MRRF: variants seen among roughly 807,000 people sequenced by gnomAD.
The protein encoded by MRRF is ribosome-recycling factor, mitochondrial.
A neutral mutation model predicts 25.1 loss-of-function variants in MRRF; 18 were observed. The ratio of observed to expected loss-of-function variants is 0.72; its 90% confidence interval spans 0.50 to 1.06. MRRF has a LOEUF of 1.06. Ranked by LOEUF, MRRF falls within the 50% of genes least tolerant of loss-of-function variation. The pLI is 0.00. For synonymous variants in MRRF, 113 were observed against 112.1 expected, an observed-to-expected ratio of 1.01 and a Z score of -0.05; for missense variants, 323 against 319.3, an observed-to-expected ratio of 1.01 and a Z score of -0.09.
Position 122,322,583 on chromosome 9 carries a change from A to G in MRRF, c.755A>G (p.His252Arg). The G allele has an allele frequency of 1.2e-6, 2 of 1,614,216 alleles. No individual in the cohort carries two copies. Among genetic ancestry groups the G allele is most frequent in the East Asian group, 2.2e-5 (1 of 44,880 alleles). The change falls in exon 7 of 7, where the codon CAT (histidine) becomes CGT (arginine). Residue 252 changes from histidine to arginine, a missense_variant. Physicochemically the swap from His to Arg is conservative, Grantham distance 29. Transcript: ENST00000344641. ...GACACAGTGGCAGAACTGGACAGGC[A>G]TCTGGCAGTGAAGACCAAAGAACTC... ...ADDTVAELDR[H>R]LAVKTKELLG is the part of the protein sequence containing the mutation.
At chr9:122,278,033 A>C (rs945077336) in intron 2 of MRRF, among the ~76,000 whole-genome samples, 1 of 152,002 alleles carries the variant, frequency 6.6e-6, no homozygotes, top group East Asian at 1.9e-4. Context: ...AGCTTTTATC[A>C]TTTTTATGTG....
chr9:122,285,290 A>G lies in MRRF; in HGVS notation c.459+3A>G, dbSNP rs772207056. ...TGAATATGGCCAGCTTCCCAGAGGT[A>G]AGATGGCCTTGCTAAAATCTCTCTC... On this transcript the variant is annotated splice_donor_region_variant and intron_variant, in intron 4 of 6. Coordinates refer to ENST00000344641, the MANE Select transcript of MRRF (RefSeq NM_138777.5). The G allele has an allele frequency of 6.4e-7, 1 of 1,566,390 alleles. No homozygotes were observed. Among genetic ancestry groups the G allele is most frequent in the African/African-American group, 1.4e-5 (1 of 74,070 alleles).
At chr9:122,279,757 G>A (rs1049016274) in intron 2 of MRRF, among the ~76,000 whole-genome samples, 1 of 152,126 alleles carries the variant, frequency 6.6e-6, no homozygotes, top group Non-Finnish European at 1.5e-5. Flanking sequence ...AGTGTTTAAT[G>A]TCTGTAAACT....
At chr9:122,284,964 ATG>A (rs1833294370) in intron 3 of MRRF, among the ~76,000 whole-genome samples, 1 of 152,118 alleles carries the variant, frequency 6.6e-6, no homozygotes, top group Non-Finnish European at 1.5e-5. Context: ...TTAAAAAAAA[ATG>A]TTTTTGTAGA....
chr9:122,278,384 C>A (rs945016304), intron 2 of MRRF, among the ~76,000 whole-genome samples: 2 of 152,156 alleles, frequency 1.3e-5, no homozygotes, highest in Non-Finnish European at 2.9e-5. Flanking sequence ...ACCCTTGACC[C>A]TTTGCAGATA....
intron 3 of MRRF, among the ~76,000 whole-genome samples, chr9:122,282,702 G>A (rs1833153202): frequency 6.6e-6 from 1 of 152,318 alleles, no homozygotes; most frequent in South Asian, 2.1e-4. Context: ...TTATCATGAT[G>A]TCTTGCTTAT....
At chr9:122,298,629 TC>T (rs1834238465) in intron 5 of MRRF, among the ~76,000 whole-genome samples, 1 of 152,352 alleles carries the variant, frequency 6.6e-6, no homozygotes, top group Middle Eastern at 3.4e-3. Flanking sequence ...ATGTAAAACT[TC>T]TAGGACATTC....
rs71847269 is a variant in MRRF, at chr9:122,317,067, AATATATAT to A, written c.711+3695_711+3702del. ...ACTTCTTTGTTATAAGGTTGCAGTG[AATATATAT>A]ATATATATATATAAATCTTTGTTGA... On this transcript the variant is annotated intron_variant, in intron 6 of 6. Coordinates refer to ENST00000344641, the MANE Select transcript of MRRF (RefSeq NM_138777.5). Among the ~76,000 whole-genome samples the A allele has an allele frequency of 1.4e-3, 209 of 145,454 alleles. 2 individuals are homozygous for A. Among genetic ancestry groups the A allele is most frequent in the African/African-American group, 5.1e-3 (204 of 40,252 alleles).
At chr9:122,274,212 TG>T in intron 2 of MRRF, among the ~76,000 whole-genome samples, 1 of 152,224 alleles carries the variant, frequency 6.6e-6, no homozygotes, top group Non-Finnish European at 1.5e-5. Context: ...GTTATGTATG[TG>T]GAGAAATCAT....
Position 122,271,024 on chromosome 9 carries a change from A to G in MRRF, c.133A>G (p.Met45Val), listed in dbSNP as rs149753530. 356 of 1,614,222 alleles carry G rather than the reference A, an allele frequency of 2.2e-4. 1 individual carries two copies. The African/African-American group carries it at 4.2e-3, about 19-fold the overall frequency. ...HERQHGHRQY[M>V]AYSAVPVRHF... ...AAGACAACATGGCCATAGGCAATAC[A>G]TGGCCTATTCAGCTGTACCAGTCCG... is the stretch of plus-strand genomic sequence containing the variant. Residue 45 changes from methionine to valine, a missense_variant, in exon 2 of 7, where the codon ATG (methionine) becomes GTG (valine). By Grantham distance (21) the Met-to-Val change is conservative. Transcript: ENST00000344641.
At position 122,323,829 on chromosome 9, in the gene MRRF, G is replaced by A. The variant is rs748232978; in HGVS notation, c.*1212G>A. 2 of 152,202 alleles carry A rather than the reference G, an allele frequency of 1.3e-5. No homozygotes were observed. The allele number at this position is 152,202 out of a possible 1,614,324, so 9.4% of individuals were successfully genotyped here. A position where few individuals can be genotyped will look rare whatever the true frequency, so the allele number is the denominator to read the frequency against. On this transcript the variant is annotated 3_prime_UTR_variant, in exon 7 of 7. Transcript: ENST00000344641. ...CAAAGTAACAAAGCAAAGCTGATCA[G>A]TGGTAGAAGGTTTTCATGATTCATT...
chr9:122,313,423 C>T, intron 6 of MRRF, 37 bp downstream of exon 6: 1 of 1,604,226 alleles, frequency 6.2e-7, no homozygotes, highest in East Asian at 2.2e-5. Flanking sequence ...TCTGTGTATT[C>T]AGCATAAGGA....
At chr9:122,308,159 G>T (rs1834977515) in intron 5 of MRRF, among the ~76,000 whole-genome samples, 1 of 152,076 alleles carries the variant, frequency 6.6e-6, no homozygotes, top group East Asian at 1.9e-4. Flanking sequence ...CCTGCCTTGT[G>T]CTAGAGGCTC....
intron 5 of MRRF, among the ~76,000 whole-genome samples, chr9:122,295,919 T>C (rs996301012): frequency 3.3e-5 from 5 of 152,238 alleles, no homozygotes; most frequent in Non-Finnish European, 5.9e-5. Flanking sequence ...ATCTCACCTA[T>C]TACCTCACCC....
chr9:122,311,255 C>T (rs1462826184), intron 5 of MRRF, among the ~76,000 whole-genome samples: 2 of 152,148 alleles, frequency 1.3e-5, no homozygotes, highest in African/African-American at 4.8e-5. Flanking sequence ...ATTTTAGATA[C>T]CTTTCAGCTC....
chr9:122,288,067 G>C (rs754587146), intron 4 of MRRF, among the ~76,000 whole-genome samples: 6 of 152,100 alleles, frequency 3.9e-5, no homozygotes, highest in Non-Finnish European at 8.8e-5. Context: ...TGATCTTTTT[G>C]AATGCATTGA....
chr9:122,267,144 C>T (rs1011071900), intron 1 of MRRF, among the ~76,000 whole-genome samples: 2 of 151,330 alleles, frequency 1.3e-5, no homozygotes, highest in Non-Finnish European at 2.9e-5. Flanking sequence ...TTTGGGAGGC[C>T]GAGGCGGGCA....
intron 4 of MRRF, 136 bp downstream of exon 4, chr9:122,285,423 G>A: frequency 1.3e-6 from 1 of 763,140 alleles, no homozygotes. Flanking sequence ...TTAAGGATAA[G>A]GCAAAGCTCT....
At chr9:122,315,565 TC>T (rs1170847079) in intron 6 of MRRF, among the ~76,000 whole-genome samples, 2 of 152,176 alleles carry the variant, frequency 1.3e-5, no homozygotes, top group African/African-American at 4.8e-5. Flanking sequence ...AAAACTCCCC[TC>T]TTGCCATCTC....
Sources: allele counts gnomAD v4.1 joint callset (sites outside exome capture counted in the v4.1 genomes callset), GRCh38; gene constraint gnomAD v4.1.1; transcripts MANE v1.5; gene names NCBI Gene and HGNC (gene_info 2026-07-23, HGNC 2026-07-21).